Variants in NEXMIF observed in about 807,000 individuals in gnomAD.
The protein encoded by NEXMIF is neurite extension and migration factor, also known as XLMR protein related to neurite extension.
Under a neutral mutation model 62.1 loss-of-function variants are expected in NEXMIF, and 8 were observed. The observed-to-expected ratio is 0.13, with a 90% CI of 0.08 to 0.23. The LOEUF is 0.23. Ranked by LOEUF, NEXMIF falls within the 10% of genes least tolerant of loss-of-function variation. The probability of loss-of-function intolerance (pLI) is 1.00; values close to 1 mark genes in which losing one functional copy is unlikely to be tolerated. For missense variants in NEXMIF, 976 were observed against 1,113.3 expected (o/e 0.88, Z 1.75); for synonymous variants, 404 against 416.6 (o/e 0.97, Z 0.37).
At chrX:74,867,659 A>G (rs1427697251) in intron 1 of NEXMIF, among the ~76,000 whole-genome samples, 1 of 112,373 alleles carries the variant, frequency 8.9e-6, no homozygotes, top group African/African-American at 3.2e-5. Flanking sequence ...ACTTAAATGT[A>G]AAACCCAAAA....
intron 2 of NEXMIF, 78 bp from the exon 3 acceptor site, chrX:74,744,555 C>A: frequency 1.4e-6 from 1 of 718,295 alleles, no homozygotes; most frequent in South Asian, 3.2e-5. Flanking sequence ...TTCCCTTGAT[C>A]AGTTTCTGGT....
chrX:74,887,417 T>G (rs1276695233), intron 1 of NEXMIF, among the ~76,000 whole-genome samples: 1 of 111,497 alleles, frequency 9.0e-6, no homozygotes, highest in Non-Finnish European at 1.9e-5. Context: ...AAAGGGCTAA[T>G]ATCCAGAATC....
chrX:74,875,143 C>T (rs1036947206), intron 1 of NEXMIF, among the ~76,000 whole-genome samples: 1 of 111,011 alleles, frequency 9.0e-6, no homozygotes, highest in African/African-American at 3.3e-5. Flanking sequence ...TCATAGATAG[C>T]TCTTATTATT....
At chrX:74,833,965 T>C (rs1286048863) in intron 1 of NEXMIF, among the ~76,000 whole-genome samples, 1 of 108,876 alleles carries the variant, frequency 9.2e-6, no homozygotes, top group East Asian at 2.9e-4. Context: ...AGAAACCCCA[T>C]CTCTACTAAA....
At chrX:74,845,537 GA>G (rs1272620222) in intron 1 of NEXMIF, among the ~76,000 whole-genome samples, 1 of 111,141 alleles carries the variant, frequency 9.0e-6, no homozygotes, top group African/African-American at 3.3e-5. Context: ...CAGTGAGAAA[GA>G]AAGAAAGGGA....
chrX:74,836,675 C>T (rs1215732077), intron 1 of NEXMIF, among the ~76,000 whole-genome samples: 13 of 111,656 alleles, frequency 1.2e-4, no homozygotes, highest in Non-Finnish European at 3.8e-5. Flanking sequence ...AGACGAAGTC[C>T]TCTTTCATCT....
At chrX:74,904,208 G>C (rs868163431) in intron 1 of NEXMIF, among the ~76,000 whole-genome samples, 2 of 110,924 alleles carry the variant, frequency 1.8e-5, no homozygotes, top group African/African-American at 6.6e-5. Context: ...CACACCCTAG[G>C]CCATTTGAGA....
chrX:74,884,311 T>C (rs912671704), intron 1 of NEXMIF, among the ~76,000 whole-genome samples: 46 of 111,780 alleles, frequency 4.1e-4, no homozygotes, highest in African/African-American at 1.4e-3. Context: ...ACCTTAAATG[T>C]AAATGGGCTA....
chrX:74,768,293 C>T (rs1443484284), intron 1 of NEXMIF, among the ~76,000 whole-genome samples: 2 of 111,896 alleles, frequency 1.8e-5, no homozygotes, highest in Admixed American at 9.5e-5. Flanking sequence ...TCTCCATTCT[C>T]TGTGGGTTGG....
At chrX:74,818,864 A>T (rs1310616165) in intron 1 of NEXMIF, among the ~76,000 whole-genome samples, 1 of 112,140 alleles carries the variant, frequency 8.9e-6, no homozygotes, top group Non-Finnish European at 1.9e-5. Context: ...GCTCAACATC[A>T]CTAATCATTA....
intron 1 of NEXMIF, among the ~76,000 whole-genome samples, chrX:74,770,584 G>A (rs1354870378): frequency 8.9e-6 from 1 of 112,086 alleles, no homozygotes; most frequent in Non-Finnish European, 1.9e-5. Context: ...AGTCAGTATT[G>A]CATGATGTGC....
intron 1 of NEXMIF, among the ~76,000 whole-genome samples, chrX:74,845,977 C>A (rs1459784935): frequency 8.9e-6 from 1 of 111,792 alleles, no homozygotes; most frequent in Admixed American, 9.5e-5. Flanking sequence ...ATTTAGTTAC[C>A]CACCTAATGC....
At position 74,820,444 on chromosome X, in the gene NEXMIF, G is replaced by A. The variant is rs763820118; in HGVS notation, c.-47-74747C>T. 3.6e-5 allele frequency among the ~76,000 whole-genome samples: 4 copies of A among 110,958 alleles called. 1 individual carries two copies. The South Asian group carries it at 1.5e-3, about 43-fold the overall frequency. ...AGTTCAGCCATTGGAAAATCAATGT[G>A]ATGATTTTTCAAAGAACTTAAAATA... On this transcript the variant is annotated intron_variant, in intron 1 of 3. Transcript: ENST00000055682.
intron 1 of NEXMIF, among the ~76,000 whole-genome samples, chrX:74,909,271 T>C (rs1350577379): frequency 9.0e-6 from 1 of 111,670 alleles, no homozygotes; most frequent in African/African-American, 3.3e-5. Context: ...GACAGTGATA[T>C]GAACAATAAG....
chrX:74,899,645 T>C (rs1326954350), intron 1 of NEXMIF, among the ~76,000 whole-genome samples: 3 of 111,849 alleles, frequency 2.7e-5, no homozygotes, highest in Non-Finnish European at 5.6e-5. Flanking sequence ...TGTTAAAATG[T>C]CCATACTACC....
intron 1 of NEXMIF, among the ~76,000 whole-genome samples, chrX:74,903,312 T>TGA (rs1479237204): frequency 1.1e-5 from 1 of 93,909 alleles, no homozygotes; most frequent in Non-Finnish European, 2.1e-5. Context: ...GAGTCCTCAC[T>TGA]GATTCTCAGG....
chrX:74,877,529 C>G (rs369127261), intron 1 of NEXMIF, among the ~76,000 whole-genome samples: 48 of 110,867 alleles, frequency 4.3e-4, no homozygotes, highest in African/African-American at 1.5e-3. Flanking sequence ...TGAATCTGAA[C>G]GTTGGCCTGC....
chrX:74,856,482 G>A (rs1314174362), intron 1 of NEXMIF, among the ~76,000 whole-genome samples: 1 of 111,427 alleles, frequency 9.0e-6, no homozygotes, highest in Non-Finnish European at 1.9e-5. Flanking sequence ...AAGCGGAGGA[G>A]AGAGAAAAAG....
intron 1 of NEXMIF, among the ~76,000 whole-genome samples, chrX:74,760,820 C>T (rs916095465): frequency 2.8e-5 from 3 of 106,734 alleles, no homozygotes; most frequent in Non-Finnish European, 5.8e-5. Flanking sequence ...CATCAATGTT[C>T]ATCAAGGTTA....
Sources: gnomAD v4.1 joint callset for allele counts (sites outside exome capture counted in the v4.1 genomes callset) on GRCh38, gnomAD v4.1.1 for gene constraint, MANE v1.5 for transcripts, NCBI Gene and HGNC (gene_info 2026-07-23, HGNC 2026-07-21) for gene names.